CNTNAP5: variants seen among roughly 807,000 people sequenced by gnomAD.
The protein encoded by CNTNAP5 is contactin associated protein family member 5.
CNTNAP5 carries 72 observed loss-of-function variants against 150.2 expected under a neutral mutation model. That is an observed-to-expected ratio of 0.48 (90% CI 0.40 to 0.58). The LOEUF is 0.58. CNTNAP5 is among the 20% of genes least tolerant of loss of function. The pLI, the probability that CNTNAP5 is intolerant of heterozygous loss-of-function variation, is 0.00. For missense variants in CNTNAP5, 1,636 were observed against 1,626.2 expected (o/e 1.01, Z -0.10); for synonymous variants, 672 against 619.8 (o/e 1.08, Z -1.25).
chr2:124,541,407 C>T (rs1468109995), intron 10 of CNTNAP5, among the ~76,000 whole-genome samples: 1 of 151,852 alleles, frequency 6.6e-6, no homozygotes, highest in Non-Finnish European at 1.5e-5. Context: ...CACCCCTACA[C>T]TTAGAAAAAT....
At chr2:124,652,777 G>A (rs564078994) in intron 13 of CNTNAP5, among the ~76,000 whole-genome samples, 101 of 152,204 alleles carry the variant, frequency 6.6e-4, no homozygotes, top group African/African-American at 2.3e-3. Context: ...ACTGGATTCC[G>A]TCATTAGGGT....
At chr2:124,621,876 C>T (rs1415270223) in intron 12 of CNTNAP5, among the ~76,000 whole-genome samples, 7 of 152,274 alleles carry the variant, frequency 4.6e-5, no homozygotes, top group Admixed American at 3.3e-4. Flanking sequence ...TAGTTGATTA[C>T]GTGATTTGTA....
chr2:124,624,062 G>T (rs1376814872), intron 12 of CNTNAP5, among the ~76,000 whole-genome samples: 2 of 152,212 alleles, frequency 1.3e-5, no homozygotes, highest in Non-Finnish European at 2.9e-5. Context: ...CAGAAGGCTG[G>T]TCTCTTAGGC....
intron 12 of CNTNAP5, among the ~76,000 whole-genome samples, chr2:124,624,093 C>T (rs1028410268): frequency 3.3e-5 from 5 of 152,144 alleles, no homozygotes; most frequent in South Asian, 2.1e-4. Context: ...AGCTGCTCTG[C>T]GTGTGTTGAA....
chr2:124,767,194 G>A (rs560972129), intron 16 of CNTNAP5, among the ~76,000 whole-genome samples: 32 of 152,248 alleles, frequency 2.1e-4, no homozygotes, highest in Middle Eastern at 3.4e-3. Context: ...CCTCTCATCC[G>A]CAAGGAGTGT....
At chr2:124,862,249 T>G (rs1297946683) in intron 19 of CNTNAP5, among the ~76,000 whole-genome samples, 1 of 152,216 alleles carries the variant, frequency 6.6e-6, no homozygotes, top group Non-Finnish European at 1.5e-5. Context: ...TGTAGCAATG[T>G]TAATATATAA....
At chr2:124,612,715 G>T (rs1677411889) in intron 12 of CNTNAP5, among the ~76,000 whole-genome samples, 1 of 152,118 alleles carries the variant, frequency 6.6e-6, no homozygotes, top group Non-Finnish European at 1.5e-5. Flanking sequence ...ATATTCAGCT[G>T]CACGATGTCT....
chr2:124,396,944 T>C (rs1252975979), intron 3 of CNTNAP5, among the ~76,000 whole-genome samples: 1 of 152,218 alleles, frequency 6.6e-6, no homozygotes, highest in Non-Finnish European at 1.5e-5. Context: ...AAGGCCAGTC[T>C]TAGAGTCAAA....
chr2:124,092,394 C>T (rs1682835890), intron 1 of CNTNAP5, among the ~76,000 whole-genome samples: 2 of 152,144 alleles, frequency 1.3e-5, no homozygotes, highest in Admixed American at 6.5e-5. Flanking sequence ...GCTGCTTTTC[C>T]TCCTCCACCT....
intron 1 of CNTNAP5, among the ~76,000 whole-genome samples, chr2:124,133,134 T>G (rs1444567925): frequency 1.3e-5 from 2 of 152,182 alleles, no homozygotes; most frequent in African/African-American, 4.8e-5. Flanking sequence ...TGCTCATTTT[T>G]CATTTGAAAA....
At chr2:124,327,110 A>C (rs910867750) in intron 3 of CNTNAP5, among the ~76,000 whole-genome samples, 6 of 149,878 alleles carry the variant, frequency 4.0e-5, no homozygotes, top group Non-Finnish European at 8.9e-5. Context: ...CCTCCCAAGT[A>C]GCGGGGACTA....
chr2:124,816,559 C>A (rs1682366911), intron 19 of CNTNAP5, among the ~76,000 whole-genome samples: 1 of 146,320 alleles, frequency 6.8e-6, no homozygotes, highest in Non-Finnish European at 1.5e-5. Flanking sequence ...CTCACTGCAA[C>A]CTCCATCTCT....
At chr2:124,458,449 G>A (rs151005872) in intron 6 of CNTNAP5, among the ~76,000 whole-genome samples, 114 of 151,672 alleles carry the variant, frequency 7.5e-4, no homozygotes, top group African/African-American at 2.5e-3. Context: ...GTTCCTACTC[G>A]TATGTGGTTG....
chr2:124,793,181 T>A (rs1260162611), intron 18 of CNTNAP5, among the ~76,000 whole-genome samples: 2 of 152,216 alleles, frequency 1.3e-5, no homozygotes, highest in African/African-American at 4.8e-5. Flanking sequence ...TTTCTTCATC[T>A]TCTTGCCAAC....
intron 3 of CNTNAP5, among the ~76,000 whole-genome samples, chr2:124,361,959 A>G (rs1690215483): frequency 6.6e-6 from 1 of 152,188 alleles, no homozygotes; most frequent in African/African-American, 2.4e-5. Context: ...GCAATCAGCG[A>G]GACTTCGTGG....
intron 1 of CNTNAP5, among the ~76,000 whole-genome samples, chr2:124,194,590 T>A (rs1211378271): frequency 6.6e-6 from 1 of 150,912 alleles, no homozygotes; most frequent in South Asian, 2.1e-4. Context: ...TAGTTACTAA[T>A]CTGTATTATT....
At chr2:124,206,867 C>T (rs1685877764) in intron 1 of CNTNAP5, among the ~76,000 whole-genome samples, 1 of 152,062 alleles carries the variant, frequency 6.6e-6, no homozygotes, top group African/African-American at 2.4e-5. Context: ...GTAGGAATTC[C>T]ATCAGGGTCC....
At chr2:124,046,244 C>A (rs1428840510) in intron 1 of CNTNAP5, among the ~76,000 whole-genome samples, 1 of 152,064 alleles carries the variant, frequency 6.6e-6, no homozygotes, top group Admixed American at 6.6e-5. Flanking sequence ...AGATAAAAGA[C>A]AATGACAGAA....
At chr2:124,461,860 C>CAAA (rs59177385) in intron 6 of CNTNAP5, among the ~76,000 whole-genome samples, 28 of 87,070 alleles carry the variant, frequency 3.2e-4, no homozygotes, top group Admixed American at 9.0e-4. Context: ...GATTCCACCT[C>CAAA]AAAAAAAAAA....
Sources: gnomAD v4.1 joint callset for allele counts (sites outside exome capture counted in the v4.1 genomes callset) on GRCh38, gnomAD v4.1.1 for gene constraint, MANE v1.5 for transcripts, NCBI Gene and HGNC (gene_info 2026-07-23, HGNC 2026-07-21) for gene names.